Variants in ATP6V1B1 observed in about 807,000 individuals in gnomAD.
The protein encoded by ATP6V1B1 is V-type proton ATPase subunit B, kidney isoform.
ATP6V1B1 carries 41 observed loss-of-function variants against 62.1 expected under a neutral mutation model. That is an observed-to-expected ratio of 0.66 (90% CI 0.51 to 0.86). The LOEUF is 0.86. Ranked by LOEUF, ATP6V1B1 falls within the 40% of genes least tolerant of loss-of-function variation. The pLI, the probability that ATP6V1B1 is intolerant of heterozygous loss-of-function variation, is 0.00. For missense variants in ATP6V1B1, 651 were observed against 697.5 expected, an observed-to-expected ratio of 0.93 and a Z score of 0.75; for synonymous variants, 253 against 273.4, an observed-to-expected ratio of 0.93 and a Z score of 0.74.
chr2:70,963,790 A>C lies in ATP6V1B1; in HGVS notation c.1143+136A>C. ...CAAACAGGAGACAGCCACAGGGAAGACTGCATGGTTCACAGACAGAAGACA... is the reference window on the plus strand; with the variant it reads ...CAAACAGGAGACAGCCACAGGGAAGCCTGCATGGTTCACAGACAGAAGACA... On this transcript the variant is annotated intron_variant, in intron 11 of 13. Coordinates refer to ENST00000234396, the MANE Select transcript of ATP6V1B1 (RefSeq NM_001692.4). The surrounding 1 kb of genome is among the most constrained non-coding windows in gnomAD (Gnocchi z 4.3). 1 of 929,126 alleles carries C rather than the reference A, an allele frequency of 1.1e-6. No individual in the cohort carries two copies. The highest frequency in any genetic ancestry group is 1.7e-6 in the Non-Finnish European group (1 of 579,450). The allele number at this position is 929,126 out of a possible 1,614,324, so 57.6% of individuals were successfully genotyped here.
At chr2:70,951,967 T>G (rs1680332356) in intron 2 of ATP6V1B1, among the ~76,000 whole-genome samples, 1 of 152,194 alleles carries the variant, frequency 6.6e-6, no homozygotes. Context: ...TTTCTTTTTC[T>G]GGTCTTACTG....
rs1233798591 is a variant in ATP6V1B1 at position 70,959,476 on chromosome 2, C to T, written c.445+381C>T. ...ACACACTGGGAGGCCTGTGGGAGCCCGTGGCTTGCCCTACGCCACACAGAA... is the reference window on the plus strand; with the variant it reads ...ACACACTGGGAGGCCTGTGGGAGCCTGTGGCTTGCCCTACGCCACACAGAA... On this transcript the variant is annotated intron_variant, in intron 5 of 13. Coordinates refer to ENST00000234396, the MANE Select transcript of ATP6V1B1 (RefSeq NM_001692.4). This position sits in a 1 kb window ranked among gnomAD's most constrained non-coding sequence, Gnocchi z 4.2. Among the ~76,000 whole-genome samples, 2 of 152,196 alleles carry T rather than the reference C, an allele frequency of 1.3e-5. No individual in the cohort carries two copies. The highest frequency in any genetic ancestry group is 2.9e-5 in the Non-Finnish European group (2 of 68,032).
chr2:70,939,080 G>C (rs1403387311), intron 1 of ATP6V1B1, among the ~76,000 whole-genome samples: 1 of 152,228 alleles, frequency 6.6e-6, no homozygotes, highest in Non-Finnish European at 1.5e-5. Context: ...CTGCTGCCCC[G>C]GGCTTGCCCC....
Position 70,965,217 on chromosome 2 carries a change from G to A in ATP6V1B1, c.*96G>A. 1 of 1,518,738 alleles carries A rather than the reference G, an allele frequency of 6.6e-7. No individual in the cohort carries two copies. The highest frequency in any genetic ancestry group is 8.9e-7 in the Non-Finnish European group (1 of 1,121,734). 94.1% of individuals were successfully genotyped at this position (1,518,738 alleles called of 1,614,324 possible). ...CACCCCAACCAGCGGCTTCTGCGCC[G>A]CCCTCCGCCCTCCGCTGGCTCCGAG... On this transcript the variant is annotated 3_prime_UTR_variant, in exon 14 of 14. Transcript: ENST00000234396.
intron 2 of ATP6V1B1, among the ~76,000 whole-genome samples, chr2:70,954,255 T>A (rs1680385460): frequency 6.6e-6 from 1 of 152,242 alleles, no homozygotes; most frequent in Non-Finnish European, 1.5e-5. Flanking sequence ...AAGCTTTGAA[T>A]GCATCACACA....
At chr2:70,955,860 A>C (rs1680420604) in intron 2 of ATP6V1B1, 1 of 153,694 alleles carries the variant, frequency 6.5e-6, no homozygotes, top group Middle Eastern at 3.4e-3. Context: ...GGTATTAACT[A>C]CTGAAAAGAG....
At position 70,963,654 on chromosome 2, in the gene ATP6V1B1, G is replaced by T. The variant is rs782326453; in HGVS notation, c.1143G>T (p.Gln381His). The T allele has an allele frequency of 6.2e-7, 1 of 1,613,644 alleles. No homozygotes were observed. The highest frequency in any genetic ancestry group is 1.3e-5 in the African/African-American group (1 of 74,918). The part of the protein sequence containing the change: ...IYVDRQLHNR[Q>H]IYPPINVLPS... ...TGGACAGACAGCTTCACAACAGACA[G>T]GTACTGCCCTGTCCCTACCCACTTC... The change falls in exon 11 of 14, where the codon CAG becomes CAT. Residue 381 changes from glutamine to histidine, a missense_variant and splice_region_variant. Gln to His is a conservative substitution (Grantham distance 24). Coordinates refer to ENST00000234396, the MANE Select transcript of ATP6V1B1 (RefSeq NM_001692.4). The surrounding 1 kb of genome is among the most constrained non-coding windows in gnomAD (Gnocchi z 4.3).
At chr2:70,951,970 T>A (rs1486910223) in intron 2 of ATP6V1B1, among the ~76,000 whole-genome samples, 7 of 152,174 alleles carry the variant, frequency 4.6e-5, no homozygotes, top group African/African-American at 1.7e-4. Context: ...CTTTTTCTGG[T>A]CTTACTGTAT....
At position 70,956,829 on chromosome 2, in the gene ATP6V1B1, C is replaced by T. The variant is rs1432020582; in HGVS notation, c.175-1217C>T. Among the ~76,000 whole-genome samples, 10 of 152,212 alleles carry T rather than the reference C, an allele frequency of 6.6e-5. No individual in the cohort carries two copies. The East Asian group carries it at 1.6e-3, about 24-fold the overall frequency. On this transcript the variant is annotated intron_variant, in intron 2 of 13. Coordinates refer to ENST00000234396, the MANE Select transcript of ATP6V1B1 (RefSeq NM_001692.4). ...GATCTCAAACTCCTTATGTGATCCA[C>T]ATGCCTCAGCCTCCCAAAGTGCTGG...
intron 11 of ATP6V1B1, 114 bp from the exon 12 acceptor site, chr2:70,964,324 G>A: frequency 1.8e-6 from 2 of 1,098,180 alleles, no homozygotes; most frequent in Non-Finnish European, 2.8e-6. Flanking sequence ...GGGTGTGGCT[G>A]TTGACCCCTC....
intron 2 of ATP6V1B1, among the ~76,000 whole-genome samples, chr2:70,956,485 C>T (rs1680434750): frequency 6.6e-6 from 1 of 152,210 alleles, no homozygotes; most frequent in Admixed American, 6.5e-5. Context: ...GTTATTTTCA[C>T]TTTTGGCTAT....
chr2:70,962,287 G>A (rs1680605716), intron 8 of ATP6V1B1, among the ~76,000 whole-genome samples: 1 of 152,144 alleles, frequency 6.6e-6, no homozygotes, highest in Non-Finnish European at 1.5e-5. Context: ...GGTGTGCTTT[G>A]AGCAGTGAAA....
Position 70,945,699 on chromosome 2 carries a change from GAGATATAT to G in ATP6V1B1, c.174+1988_174+1995del, listed in dbSNP as rs1207834395. On this transcript the variant is annotated intron_variant, in intron 2 of 13. Coordinates refer to ENST00000234396, the MANE Select transcript of ATP6V1B1 (RefSeq NM_001692.4). ...AGTATCCTCTTTCTGGCTATTTGAA[GAGATATAT>G]ATATATATATATATATATATATATA... Among the ~76,000 whole-genome samples, 188 of 70,108 alleles carry G rather than the reference GAGATATAT, an allele frequency of 2.7e-3. 8 individuals are homozygous for G. Among genetic ancestry groups the G allele is most frequent in the African/African-American group, 5.8e-3 (116 of 19,972 alleles). 46.0% of individuals were successfully genotyped at this position (70,108 alleles called of 152,430 possible). A position where few individuals can be genotyped will look rare whatever the true frequency, so the allele number is the denominator to read the frequency against.
chr2:70,962,780 C>G lies in ATP6V1B1; in HGVS notation c.789C>G (p.Ile263Met). The change falls in exon 9 of 14, where the codon ATC becomes ATG. Residue 263 changes from isoleucine to methionine, a missense_variant. By Grantham distance (10) the Ile-to-Met change is conservative. Coordinates refer to ENST00000234396, the MANE Select transcript of ATP6V1B1 (RefSeq NM_001692.4). Reference sequence around the variant, plus strand: ...AAACACCTGGCTACACCTCCAGGATCGAGCGGATCATCACCCCGCGCCTGG... The same window carrying G: ...AAACACCTGGCTACACCTCCAGGATGGAGCGGATCATCACCCCGCGCCTGG... Reference protein sequence around the residue: ...LFLNLANDPTIERIITPRLAL... With the variant: ...LFLNLANDPTMERIITPRLAL... The G allele has an allele frequency of 1.2e-6, 2 of 1,613,816 alleles. No individual in the cohort carries two copies. Among genetic ancestry groups the G allele is most frequent in the Non-Finnish European group, 1.7e-6 (2 of 1,179,996 alleles).
chr2:70,961,187 G>A, intron 7 of ATP6V1B1, 165 bp downstream of exon 7: 1 of 747,914 alleles, frequency 1.3e-6, no homozygotes, highest in Non-Finnish European at 2.3e-6. Flanking sequence ...CCCTCAGGGT[G>A]TCCCAAAGGC....
chr2:70,942,995 T>C (rs1448437401), intron 1 of ATP6V1B1, among the ~76,000 whole-genome samples: 2 of 152,242 alleles, frequency 1.3e-5, no homozygotes, highest in African/African-American at 4.8e-5. Flanking sequence ...CTATGCAAGC[T>C]GAGCTCATTT....
chr2:70,935,905 T>G lies in ATP6V1B1; in HGVS notation c.-50T>G. On this transcript the variant is annotated 5_prime_UTR_variant, in exon 1 of 14. Coordinates refer to ENST00000234396, the MANE Select transcript of ATP6V1B1 (RefSeq NM_001692.4). ...CCAGCTGGACCTGAAGTCTCAGAGC[T>G]GCCACCAGCAGCAGGCTCAGACACT... 1 of 1,526,656 alleles carries G rather than the reference T, an allele frequency of 6.6e-7. No homozygotes were observed. The allele number at this position is 1,526,656 out of a possible 1,614,324, so 94.6% of individuals were successfully genotyped here. A position where few individuals can be genotyped will look rare whatever the true frequency, so the allele number is the denominator to read the frequency against.
rs572729614 is a variant in ATP6V1B1 at position 70,938,208 on chromosome 2, C to T, written c.118+2136C>T. 4.9e-4 allele frequency among the ~76,000 whole-genome samples: 74 copies of T among 152,278 alleles called. 2 individuals are homozygous for T. Among genetic ancestry groups the T allele is most frequent in the Admixed American group, 4.4e-3 (67 of 15,310 alleles). ...CCCTTCATCCACAGTGTCTCCCAAT[C>T]CCCTCCCCGCCTCACTCACTTCCTC... is the stretch of plus-strand genomic sequence containing the variant. On this transcript the variant is annotated intron_variant, in intron 1 of 13. Transcript: ENST00000234396.
At chr2:70,941,554 T>A in intron 1 of ATP6V1B1, 1 of 861,056 alleles carries the variant, frequency 1.2e-6, no homozygotes, top group Non-Finnish European at 1.4e-6. Context: ...CCCATCCTGA[T>A]CTTTCCCTTA....
Sources: allele counts gnomAD v4.1 joint callset (sites outside exome capture counted in the v4.1 genomes callset), GRCh38; gene constraint gnomAD v4.1.1; non-coding constraint Gnocchi (gnomAD v3.1); transcripts MANE v1.5; gene names NCBI Gene and HGNC (gene_info 2026-07-23, HGNC 2026-07-21).